Variants in PIK3C2B observed in about 807,000 individuals in gnomAD.
PIK3C2B encodes phosphatidylinositol 4-phosphate 3-kinase C2 domain-containing subunit beta.
In PIK3C2B, 83 loss-of-function variants were observed where a neutral mutation model predicts 184.3. The ratio of observed to expected loss-of-function variants is 0.45; its 90% CI spans 0.38 to 0.54. The LOEUF (loss-of-function observed/expected upper bound fraction) is 0.54. PIK3C2B is among the 20% of genes least tolerant of loss of function. PIK3C2B has a pLI of 0.00. For missense variants in PIK3C2B, 1,736 were observed against 2,113.5 expected (o/e 0.82, Z 3.50); for synonymous variants, 779 against 837.6 (o/e 0.93, Z 1.21).
Position 204,434,530 on chromosome 1 carries a change from C to T in PIK3C2B, c.3595G>A (p.Asp1199Asn), listed in dbSNP as rs1351037291. 1 of 1,614,176 alleles carries T rather than the reference C, an allele frequency of 6.2e-7. No homozygotes were observed. Residue 1199 changes from aspartate to asparagine, a missense_variant, in exon 24 of 33, where the codon GAC becomes AAC. Physicochemically the swap from Asp to Asn is conservative, Grantham distance 23 (BLOSUM62 1). Transcript: ENST00000684373. ...YVLGICDRHN[D>N]NIMLKTTGHM... is the part of the protein sequence containing the mutation. ...CCAGTGGTCTTCAGCATGATGTTGT[C>T]ATTATGTCGGTCACAGATGCCCAAG...
intron 2 of PIK3C2B, among the ~76,000 whole-genome samples, chr1:204,465,634 C>T (rs1467077145): frequency 6.8e-6 from 1 of 147,212 alleles, no homozygotes; most frequent in East Asian, 2.3e-4. Context: ...TTGGGCCTCT[C>T]CTGCAACACG....
In PIK3C2B at chr1:204,447,423, G is replaced by T; in HGVS notation, c.2489+13C>A. 1 of 1,610,538 alleles carries T rather than the reference G, an allele frequency of 6.2e-7. No homozygotes were observed. Among genetic ancestry groups the T allele is most frequent in the Non-Finnish European group, 8.5e-7 (1 of 1,177,384 alleles). ...ATGAAACATGACAGATTCAGTGGGG[G>T]CCCGGGTCTCACCAGTACAAGGACT... On this transcript the variant is annotated intron_variant, in intron 15 of 32. Transcript: ENST00000684373. This position sits in a 1 kb window ranked among gnomAD's most constrained non-coding sequence, Gnocchi z 4.1.
In PIK3C2B at chr1:204,440,071, C is replaced by G. The variant is rs138320349; in HGVS notation, c.3379+121G>C. The G allele has an allele frequency of 2.1e-3, 2,179 of 1,040,196 alleles. 4 individuals are homozygous for G. The highest frequency in any genetic ancestry group is 2.7e-3 in the Non-Finnish European group (1,952 of 719,396). 64.4% of individuals were successfully genotyped at this position (1,040,196 alleles called of 1,614,324 possible). A position where few individuals can be genotyped will look rare whatever the true frequency, so the allele number is the denominator to read the frequency against. ...CTTTTAAGGCTATCCCACAGCTTCTCATGAAATAATCTTGCCCTTTTCACT... is the reference window on the plus strand; with the variant it reads ...CTTTTAAGGCTATCCCACAGCTTCTGATGAAATAATCTTGCCCTTTTCACT... On this transcript the variant is annotated intron_variant, in intron 22 of 32. Transcript: ENST00000684373.
Position 204,468,948 on chromosome 1 carries a change from G to C in PIK3C2B, c.855C>G (p.Pro285=), listed in dbSNP as rs144026111. Residue 285 remains proline (P), a synonymous_variant, in exon 2 of 33, where the codon CCC becomes CCG. Transcript: ENST00000684373. ...ARSKTMPPQV[P]PRTYASRYGN... ...CATAGCGGGAGGCATAGGTGCGGGG[G>C]GGCACCTGAGGGGGCATAGTCTTGC... 6.6e-4 allele frequency: 1,059 copies of C among 1,613,890 alleles called. 2 individuals carry two copies. Among genetic ancestry groups the C allele is most frequent in the Non-Finnish European group, 8.5e-4 (998 of 1,179,928 alleles).
chr1:204,468,178 A>G (rs569077400), intron 2 of PIK3C2B, among the ~76,000 whole-genome samples: 2 of 152,240 alleles, frequency 1.3e-5, no homozygotes, highest in Admixed American at 6.5e-5. Flanking sequence ...CGTCAGTGCC[A>G]CTGACTGCAC....
In PIK3C2B at chr1:204,460,570, G is replaced by A. The variant is rs139758981; in HGVS notation, c.1402C>T (p.Arg468Cys). 1,549 of 1,613,764 alleles carry A rather than the reference G, an allele frequency of 9.6e-4. 3 individuals are homozygous for A. The highest frequency in any genetic ancestry group is 1.0e-3 in the Non-Finnish European group (1,202 of 1,179,808). Residue 468 changes from arginine to cysteine, a missense_variant, in exon 6 of 33, where the codon CGC becomes TGC. By Grantham distance (180) the Arg-to-Cys change is radical. Transcript: ENST00000684373. ...CGAACCGTCCGGGCCAGGTCACTGC[G>A]CACAACCTTCTGCTCCATCAGCTGT... ...RLQLMEQKVV[R>C]SDLARTVNDD...
rs1558233714 is a variant in PIK3C2B, at chr1:204,433,467, C to G, written c.3844-42G>C. 3.2e-6 allele frequency: 4 copies of G among 1,256,422 alleles called. No homozygotes were observed. Among genetic ancestry groups the G allele is most frequent in the Non-Finnish European group, 3.5e-6 (3 of 856,578 alleles). The allele number at this position is 1,256,422 out of a possible 1,614,324, so 77.8% of individuals were successfully genotyped here. A position where few individuals can be genotyped will look rare whatever the true frequency, so the allele number is the denominator to read the frequency against. ...GAAGAAGAGAGGGTGCCTGTAACAACAGAGAATTCTTGCTGCTTCTCTACC... is the reference window on the plus strand; with the variant it reads ...GAAGAAGAGAGGGTGCCTGTAACAAGAGAGAATTCTTGCTGCTTCTCTACC... On this transcript the variant is annotated intron_variant, in intron 25 of 32. Transcript: ENST00000684373. The surrounding 1 kb of genome is among the most constrained non-coding windows in gnomAD (Gnocchi z 5.0).
At chr1:204,450,409 C>T (rs1415566633) in intron 12 of PIK3C2B, among the ~76,000 whole-genome samples, 1 of 152,104 alleles carries the variant, frequency 6.6e-6, no homozygotes, top group Admixed American at 6.5e-5. Context: ...CAAAGCTACT[C>T]CTTTTGTCCT....
rs745658219 is a variant in PIK3C2B, at chr1:204,446,071, G to A, written c.2563C>T (p.Leu855=). 1 of 1,599,760 alleles carries A rather than the reference G, an allele frequency of 6.3e-7. No homozygotes were observed. The highest frequency in any genetic ancestry group is 1.7e-5 in the Admixed American group (1 of 58,980). Residue 855 remains leucine (L), a synonymous_variant, in exon 16 of 33, where the codon CTG becomes TTG. Coordinates refer to ENST00000684373, the MANE Select transcript of PIK3C2B (RefSeq NM_001377334.1). ...CAGCTGGGGGCGCTGGCGAGCACCA[G>A]GGGGAGCGAGCTCACCTCCGAGTGG... is the stretch of plus-strand genomic sequence containing the variant. ...YCHSEVSSLP[L]VLASAPSWEW...
At chr1:204,483,187 C>G (rs1206762467) in intron 1 of PIK3C2B, among the ~76,000 whole-genome samples, 3 of 152,028 alleles carry the variant, frequency 2.0e-5, no homozygotes, top group Admixed American at 2.0e-4. Context: ...TTTGGGAGGC[C>G]AAAGCAGGAC....
Position 204,422,863 on chromosome 1 carries a change from C to T in PIK3C2B, c.*1989G>A, listed in dbSNP as rs1211354524. The T allele has an allele frequency of 6.6e-6, 1 of 152,632 alleles. No individual in the cohort carries two copies. The highest frequency in any genetic ancestry group is 1.5e-5 in the Non-Finnish European group (1 of 68,042). The allele number at this position is 152,632 out of a possible 1,614,324, so 9.5% of individuals were successfully genotyped here. A position where few individuals can be genotyped will look rare whatever the true frequency, so the allele number is the denominator to read the frequency against. ...TCTTCCCCCTCCTGGAAGCAGCCAG[C>T]TTTATCCTTGGCATTTTAATTTTAG... On this transcript the variant is annotated 3_prime_UTR_variant, in exon 33 of 33. Transcript: ENST00000684373.
At chr1:204,451,930 G>A (rs555682634) in intron 12 of PIK3C2B, among the ~76,000 whole-genome samples, 1 of 152,230 alleles carries the variant, frequency 6.6e-6, no homozygotes, top group Admixed American at 6.5e-5. Flanking sequence ...CCCTATTATC[G>A]CTACCATTCT....
At chr1:204,479,085 G>A (rs1356466168) in intron 1 of PIK3C2B, among the ~76,000 whole-genome samples, 2 of 152,214 alleles carry the variant, frequency 1.3e-5, no homozygotes, top group Non-Finnish European at 2.9e-5. Flanking sequence ...CCTTCCTCTA[G>A]AGCTGGCAAT....
intron 1 of PIK3C2B, among the ~76,000 whole-genome samples, chr1:204,476,042 G>A (rs544342612): frequency 2.6e-5 from 4 of 152,276 alleles, no homozygotes; most frequent in Admixed American, 6.5e-5. Flanking sequence ...AAGGTGAAGC[G>A]AAGGTTCAGA....
chr1:204,485,438 A>G (rs1657506507), intron 1 of PIK3C2B, among the ~76,000 whole-genome samples: 1 of 146,272 alleles, frequency 6.8e-6, no homozygotes, highest in Non-Finnish European at 1.5e-5. Context: ...AAAAATTATT[A>G]TTCCTTTTTC....
At position 204,429,932 on chromosome 1, in the gene PIK3C2B, C is replaced by T. The variant is rs1187874469; in HGVS notation, c.4387G>A (p.Glu1463Lys). 3 of 1,608,720 alleles carry T rather than the reference C, an allele frequency of 1.9e-6. No individual in the cohort carries two copies. The highest frequency in any genetic ancestry group is 1.3e-5 in the African/African-American group (1 of 74,832). ...YIWHLIHAPP[E>K]VAECDLVYTF... ...GCAAGCCCACCCACCTCGGCCACCT[C>T]AGGGGGTGCGTGGATCAAGTGCCAG... The change falls in exon 29 of 33, where the codon GAG becomes AAG. Residue 1463 changes from glutamate (E) to lysine (K), a missense_variant. This residue lies in a region of PIK3C2B where 200 missense variants were observed against 199.1 expected (regional missense o/e 1.00). Transcript: ENST00000684373.
intron 23 of PIK3C2B, chr1:204,435,506 T>C (rs944471411): frequency 1.3e-5 from 2 of 152,120 alleles, no homozygotes; most frequent in African/African-American, 4.8e-5. Flanking sequence ...TTACTAGATA[T>C]GGAATGCCCG....
Position 204,456,924 on chromosome 1 carries a change from A to ACACACACCCCC in PIK3C2B, c.1747+112_1747+113insGGGGGTGTGTG, listed in dbSNP as rs377111253. 5.5e-6 allele frequency: 3 copies of ACACACACCCCC among 547,864 alleles called. No homozygotes were observed. The African/African-American group carries it at 5.9e-5, about 11-fold the overall frequency. 33.9% of individuals were successfully genotyped at this position (547,864 alleles called of 1,614,324 possible). ...CACACACACCCACACACACACACAC[A>ACACACACCCCC]CCAGCCGAACTCCGACACATAAATC... On this transcript the variant is annotated intron_variant, in intron 10 of 32. Transcript: ENST00000684373.
At position 204,476,464 on chromosome 1, in the gene PIK3C2B, T is replaced by C. The variant is rs554403336; in HGVS notation, c.-84-6578A>G. On this transcript the variant is annotated intron_variant, in intron 1 of 32. Transcript: ENST00000684373. ...GGAAGGGTTAAGTGGATGGATCGTT[T>C]GGACCTGGGAGTTTGAGGCTACAGT... is the stretch of plus-strand genomic sequence containing the variant. 6.6e-5 allele frequency among the ~76,000 whole-genome samples: 10 copies of C among 152,306 alleles called. No individual in the cohort carries two copies. In the South Asian group the frequency reaches 1.7e-3, roughly 25 times the overall value.
Sources: gnomAD v4.1 joint callset for allele counts (sites outside exome capture counted in the v4.1 genomes callset) on GRCh38, gnomAD v4.1.1 for gene constraint, gnomAD v4.1.1 regional missense constraint, Gnocchi (gnomAD v3.1) non-coding constraint, MANE v1.5 for transcripts, NCBI Gene and HGNC (gene_info 2026-07-23, HGNC 2026-07-21) for gene names.